DLG1: variants seen among roughly 807,000 people sequenced by gnomAD.
DLG1 encodes disks large homolog 1.
Under a neutral mutation model 123.4 loss-of-function variants are expected in DLG1, and 42 were observed. That is an observed-to-expected ratio of 0.34 (90% CI 0.27 to 0.44). The LOEUF is 0.44. DLG1 is among the 20% of genes least tolerant of loss of function. DLG1 has a pLI of 1.00. For synonymous variants in DLG1, 317 were observed against 356.2 expected (o/e 0.89, Z 1.24); for missense variants, 942 against 1,082.6 (o/e 0.87, Z 1.82).
chr3:197,159,446 G>T (rs1219009423), intron 5 of DLG1, among the ~76,000 whole-genome samples: 2 of 152,160 alleles, frequency 1.3e-5, no homozygotes, highest in Admixed American at 1.3e-4. Context: ...GATGAAGGGG[G>T]TATAAAACTC....
chr3:197,222,118 T>G (rs1238227533), intron 4 of DLG1, among the ~76,000 whole-genome samples: 1 of 152,182 alleles, frequency 6.6e-6, no homozygotes, highest in Non-Finnish European at 1.5e-5. Flanking sequence ...TGATCCACAG[T>G]CGGTTGAATC....
intron 4 of DLG1, among the ~76,000 whole-genome samples, chr3:197,230,346 C>G (rs1226639608): frequency 6.6e-6 from 1 of 152,094 alleles, no homozygotes; most frequent in East Asian, 1.9e-4. Flanking sequence ...TAAAATTTCA[C>G]TGTCAACTGA....
At chr3:197,099,647 G>A (rs963929063) in intron 14 of DLG1, among the ~76,000 whole-genome samples, 13 of 151,906 alleles carry the variant, frequency 8.6e-5, no homozygotes, top group African/African-American at 2.7e-4. Flanking sequence ...TGTTTTCACC[G>A]CCACACTAGA....
chr3:197,145,051 TCTCTCA>T (rs947470997), intron 6 of DLG1, among the ~76,000 whole-genome samples: 6 of 143,136 alleles, frequency 4.2e-5, no homozygotes, highest in Non-Finnish European at 6.1e-5. Context: ...TCTCTCTCTC[TCTCTCA>T]CACACACACA....
chr3:197,176,557 G>A (rs1188178124), intron 5 of DLG1, among the ~76,000 whole-genome samples: 1 of 152,034 alleles, frequency 6.6e-6, no homozygotes, highest in Non-Finnish European at 1.5e-5. Flanking sequence ...GGAAACAAGG[G>A]TGTGTATCCT....
intron 3 of DLG1, among the ~76,000 whole-genome samples, chr3:197,289,315 T>TG (rs1233195745): frequency 6.7e-6 from 1 of 148,892 alleles, no homozygotes; most frequent in Non-Finnish European, 1.5e-5. Flanking sequence ...AAAATGAAGG[T>TG]GGGGGGTGGC....
At chr3:197,177,690 T>C (rs952747958) in intron 5 of DLG1, among the ~76,000 whole-genome samples, 3 of 152,148 alleles carry the variant, frequency 2.0e-5, no homozygotes, top group Non-Finnish European at 4.4e-5. Context: ...TTTATGCCTG[T>C]TGTCTCACTT....
At chr3:197,054,275 T>G (rs941692052) in intron 23 of DLG1, among the ~76,000 whole-genome samples, 9 of 152,106 alleles carry the variant, frequency 5.9e-5, no homozygotes, top group African/African-American at 2.2e-4. Flanking sequence ...TATATTCACG[T>G]CTTTCATCAC....
chr3:197,092,519 G>A (rs1042035332), intron 14 of DLG1, among the ~76,000 whole-genome samples: 2 of 151,988 alleles, frequency 1.3e-5, no homozygotes, highest in East Asian at 3.8e-4. Context: ...TTTATTTTTA[G>A]AGACAGGGTC....
chr3:197,120,403 A>T (rs959578792), intron 11 of DLG1, among the ~76,000 whole-genome samples: 12 of 152,236 alleles, frequency 7.9e-5, no homozygotes, highest in African/African-American at 2.9e-4. Context: ...CATGCTTTCT[A>T]AAGACACAGG....
intron 22 of DLG1, among the ~76,000 whole-genome samples, chr3:197,064,829 C>A (rs1464063108): frequency 2.0e-5 from 3 of 151,220 alleles, no homozygotes; most frequent in Non-Finnish European, 2.9e-5. Flanking sequence ...TTTTAAGAGC[C>A]AGGGTCTTGT....
At chr3:197,272,400 T>C (rs1039761996) in intron 4 of DLG1, among the ~76,000 whole-genome samples, 2 of 152,188 alleles carry the variant, frequency 1.3e-5, no homozygotes, top group Admixed American at 6.5e-5. Flanking sequence ...GTTGTTTTTA[T>C]TAGGTTTTAA....
At chr3:197,163,497 C>T (rs1577323058) in intron 5 of DLG1, among the ~76,000 whole-genome samples, 1 of 151,312 alleles carries the variant, frequency 6.6e-6, no homozygotes, top group Non-Finnish European at 1.5e-5. Flanking sequence ...ATACACAAAA[C>T]GTGATAATAT....
chr3:197,071,403 CTT>C (rs34629433), intron 18 of DLG1, among the ~76,000 whole-genome samples: 110 of 131,700 alleles, frequency 8.4e-4, no homozygotes, highest in East Asian at 1.4e-3. Context: ...TCTTCACTGT[CTT>C]TTTTTTTTTT....
rs186607504 is a variant in DLG1 at position 197,201,941 on chromosome 3, A to G, written c.319-7352T>C. On this transcript the variant is annotated intron_variant, in intron 4 of 24. Coordinates refer to ENST00000667157, the MANE Select transcript of DLG1 (RefSeq NM_001366207.1). The stretch of plus-strand genomic sequence containing the variant: ...TCTCACTTGCAAGCAGGAGCTAAAT[A>G]ATGTGTACACATGGAGGCAGAGTGT... 1.2e-3 allele frequency among the ~76,000 whole-genome samples: 190 copies of G among 152,060 alleles called. 1 individual carries two copies. The highest frequency in any genetic ancestry group is 4.3e-3 in the African/African-American group (180 of 41,476).
chr3:197,061,015 G>A (rs1735392078), intron 22 of DLG1, among the ~76,000 whole-genome samples: 1 of 152,052 alleles, frequency 6.6e-6, no homozygotes, highest in Non-Finnish European at 1.5e-5. Context: ...TGTTGGTGAG[G>A]CTGGTCTCAA....
At chr3:197,278,674 A>C (rs1261348046) in intron 4 of DLG1, among the ~76,000 whole-genome samples, 4 of 152,082 alleles carry the variant, frequency 2.6e-5, no homozygotes, top group African/African-American at 9.7e-5. Context: ...GAAATAGAAC[A>C]AACAAAGTTA....
intron 4 of DLG1, among the ~76,000 whole-genome samples, chr3:197,197,355 C>A (rs1480745544): frequency 6.6e-6 from 1 of 152,170 alleles, no homozygotes; most frequent in Non-Finnish European, 1.5e-5. Context: ...TAAACTAATT[C>A]ATTCACTGGG....
intron 11 of DLG1, among the ~76,000 whole-genome samples, chr3:197,124,646 G>A (rs896061167): frequency 3.9e-5 from 6 of 152,024 alleles, no homozygotes; most frequent in African/African-American, 1.2e-4. Flanking sequence ...TGCAATAATA[G>A]TGCACTATAA....
Sources: gnomAD v4.1 joint callset for allele counts (sites outside exome capture counted in the v4.1 genomes callset) on GRCh38, gnomAD v4.1.1 for gene constraint, MANE v1.5 for transcripts, NCBI Gene and HGNC (gene_info 2026-07-23, HGNC 2026-07-21) for gene names.